Variants in TASOR2 observed in about 807,000 individuals in gnomAD.
The protein encoded by TASOR2 is transcription activation suppressor family member 2, also known as protein TASOR 2.
TASOR2 carries 84 observed loss-of-function variants against 199.5 expected under a neutral mutation model. The ratio of observed to expected loss-of-function variants is 0.42; its 90% confidence interval spans 0.35 to 0.50. The LOEUF is 0.50. Ranked by LOEUF, TASOR2 falls within the 20% of genes least tolerant of loss-of-function variation. The pLI is 0.02. For missense variants in TASOR2, 2,796 were observed against 2,835.9 expected (o/e 0.99, Z 0.32); for synonymous variants, 1,103 against 1,046.6 (o/e 1.05, Z -1.04).
rs1836218022 is a variant in TASOR2 at position 5,689,765 on chromosome 10, T to G, written c.-288+4590T>G. Among the ~76,000 whole-genome samples the G allele has an allele frequency of 1.3e-5, 2 of 152,248 alleles. No homozygotes were observed. The highest frequency in any genetic ancestry group is 1.5e-5 in the Non-Finnish European group (1 of 68,050). On this transcript the variant is annotated intron_variant, in intron 1 of 20. Transcript: ENST00000328090. This position sits in a 1 kb window ranked among gnomAD's most constrained non-coding sequence, Gnocchi z 4.1. ...ATAATTTTTTAAATTATCTACATAG[T>G]AAATATTCTCTTCTGGTCTTTTACT...
At position 5,742,567 on chromosome 10, in the gene TASOR2, T is replaced by G; in HGVS notation, c.2757+41T>G. 1 of 1,542,422 alleles carries G rather than the reference T, an allele frequency of 6.5e-7. No homozygotes were observed. Among genetic ancestry groups the G allele is most frequent in the Admixed American group, 2.1e-5 (1 of 46,928 alleles). On this transcript the variant is annotated intron_variant, in intron 14 of 20. Transcript: ENST00000328090. The surrounding 1 kb of genome is among the most constrained non-coding windows in gnomAD (Gnocchi z 4.2). Reference sequence around the variant, plus strand: ...TACCGTTAAATGTTGGCATTATTTTTGAAGAAAAAAATGTTTATATGTAAA... The same window carrying G: ...TACCGTTAAATGTTGGCATTATTTTGGAAGAAAAAAATGTTTATATGTAAA...
chr10:5,728,851 A>G (rs1326571059), intron 10 of TASOR2, among the ~76,000 whole-genome samples: 1 of 152,158 alleles, frequency 6.6e-6, no homozygotes, highest in African/African-American at 2.4e-5. Flanking sequence ...TCAGAGTTGA[A>G]CTTGTTCAGG....
At chr10:5,693,383 G>A (rs575831510) in intron 1 of TASOR2, among the ~76,000 whole-genome samples, 86 of 152,320 alleles carry the variant, frequency 5.6e-4, no homozygotes, top group Non-Finnish European at 8.5e-4. Flanking sequence ...TACTCCCTTT[G>A]TGCGTGCCGT....
Position 5,761,541 on chromosome 10 carries a change from A to T in TASOR2, c.7174+70A>T. On this transcript the variant is annotated intron_variant, in intron 19 of 20. Transcript: ENST00000328090. Reference sequence around the variant, plus strand: ...AGCTCTAGGAATGTCAAAGTTAGATACCTGATGAAGAGTATCAGGTATCTA... The same window carrying T: ...AGCTCTAGGAATGTCAAAGTTAGATTCCTGATGAAGAGTATCAGGTATCTA... The T allele has an allele frequency of 9.4e-6, 13 of 1,375,792 alleles. No homozygotes were observed. In the South Asian group the frequency reaches 1.7e-4, roughly 18 times the overall value. 85.2% of individuals were successfully genotyped at this position (1,375,792 alleles called of 1,614,324 possible). A position where few individuals can be genotyped will look rare whatever the true frequency, so the allele number is the denominator to read the frequency against.
chr10:5,752,062 C>T lies in TASOR2; in HGVS notation c.6606+2035C>T, dbSNP rs2797493. ...CACTGAGGCACTAATCCTGACCTCC[C>T]GAAACTCCCTGACCTGAGCGCGGGC... On this transcript the variant is annotated intron_variant, in intron 15 of 20. Coordinates refer to ENST00000328090, the Ensembl canonical transcript of TASOR2. The surrounding 1 kb of genome is among the most constrained non-coding windows in gnomAD (Gnocchi z 4.4). Among the ~76,000 whole-genome samples the T allele has an allele frequency of 0.85, 128,837 of 151,820 alleles. 54,743 individuals carry two copies. Among genetic ancestry groups the T allele is most frequent in the African/African-American group, 0.88 (36,306 of 41,380 alleles).
In TASOR2 at chr10:5,742,260, G is replaced by A; in HGVS notation, c.2491G>A (p.Glu831Lys). The stretch of plus-strand genomic sequence containing the variant: ...ATATGTGTCTATAAATAGCACGTTA[G>A]AATCTTGTGAGCTCCGTGAAATTGA... Residue 831 changes from glutamate to lysine, a missense_variant, in exon 14 of 21, where the codon GAA becomes AAA. By Grantham distance (56) the Glu-to-Lys change is moderately conservative. Transcript: ENST00000328090. This position sits in a 1 kb window ranked among gnomAD's most constrained non-coding sequence, Gnocchi z 4.2. The A allele has an allele frequency of 1.2e-6, 2 of 1,614,178 alleles. No homozygotes were observed. The highest frequency in any genetic ancestry group is 1.7e-6 in the Non-Finnish European group (2 of 1,180,028).
At position 5,752,944 on chromosome 10, in the gene TASOR2, G is replaced by A. The variant is rs1323683172; in HGVS notation, c.6606+2917G>A. ...GAGGTCGCTGGGAGCCACTGGAAAG[G>A]TTCTGTTAGGTTTTTTCCTCCTAAC... On this transcript the variant is annotated intron_variant, in intron 15 of 20. Transcript: ENST00000328090. This position sits in a 1 kb window ranked among gnomAD's most constrained non-coding sequence, Gnocchi z 4.4. Among the ~76,000 whole-genome samples the A allele has an allele frequency of 6.6e-6, 1 of 152,160 alleles. No homozygotes were observed. Among genetic ancestry groups the A allele is most frequent in the Non-Finnish European group, 1.5e-5 (1 of 68,042 alleles).
Position 5,692,528 on chromosome 10 carries a change from G to A in TASOR2, c.-288+7353G>A, listed in dbSNP as rs538753604. ...GTGCTCCGTTCTGACGACTGAGCCC[G>A]CCCAGGTCTGCAGGGTCCTGGGGTC... is the stretch of plus-strand genomic sequence containing the variant. On this transcript the variant is annotated intron_variant, in intron 1 of 20. Transcript: ENST00000328090. Among the ~76,000 whole-genome samples, 171 of 152,252 alleles carry A rather than the reference G, an allele frequency of 1.1e-3. 1 individual carries two copies. Among genetic ancestry groups the A allele is most frequent in the Non-Finnish European group, 2.2e-3 (151 of 68,012 alleles).
At chr10:5,711,818 A>T (rs952790022) in intron 1 of TASOR2, among the ~76,000 whole-genome samples, 5 of 152,092 alleles carry the variant, frequency 3.3e-5, no homozygotes, top group African/African-American at 9.7e-5. Flanking sequence ...TTATAATACA[A>T]CTCACAGGAA....
Position 5,689,090 on chromosome 10 carries a change from A to G in TASOR2, c.-288+3915A>G, listed in dbSNP as rs1049720707. Among the ~76,000 whole-genome samples the G allele has an allele frequency of 8.5e-5, 13 of 152,160 alleles. No homozygotes were observed. Among genetic ancestry groups the G allele is most frequent in the Non-Finnish European group, 1.8e-4 (12 of 68,008 alleles). On this transcript the variant is annotated intron_variant, in intron 1 of 20. Transcript: ENST00000328090. This position sits in a 1 kb window ranked among gnomAD's most constrained non-coding sequence, Gnocchi z 4.1. Reference sequence around the variant, plus strand: ...TTTTTGTTCACCTGAAAATGTCTTTATTTTGCAGCCATTCTTGAATGATGT... The same window carrying G: ...TTTTTGTTCACCTGAAAATGTCTTTGTTTTGCAGCCATTCTTGAATGATGT...
At chr10:5,763,606 T>A (rs1324884709) in exon 21 of TASOR2, 2 of 152,256 alleles carry the variant, frequency 1.3e-5, no homozygotes, top group Non-Finnish European at 2.9e-5. Context: ...ATCATTTATT[T>A]ATGATATTGA....
chr10:5,733,349 A>G (rs543464878), intron 11 of TASOR2, among the ~76,000 whole-genome samples: 1 of 152,216 alleles, frequency 6.6e-6, no homozygotes, highest in African/African-American at 2.4e-5. Flanking sequence ...CTCTACTAAA[A>G]ACACAAAAAA....
At chr10:5,700,805 T>TGG (rs916622758) in intron 1 of TASOR2, among the ~76,000 whole-genome samples, 87 of 151,890 alleles carry the variant, frequency 5.7e-4, no homozygotes, top group African/African-American at 2.1e-3. Flanking sequence ...TGTGTGTGTG[T>TGG]GTGTGTGTGT....
At chr10:5,721,580 A>G (rs1833365953) in intron 6 of TASOR2, among the ~76,000 whole-genome samples, 2 of 152,078 alleles carry the variant, frequency 1.3e-5, no homozygotes, top group African/African-American at 4.8e-5. Flanking sequence ...AGGTAGGAGT[A>G]TAATAACCCA....
chr10:5,740,391 G>A lies in TASOR2; in HGVS notation c.2221G>A (p.Asp741Asn). The A allele has an allele frequency of 6.2e-7, 1 of 1,614,160 alleles. No individual in the cohort carries two copies. Among genetic ancestry groups the A allele is most frequent in the Non-Finnish European group, 8.5e-7 (1 of 1,180,044 alleles). ...CTCTCGTATAGTGCTTAGCTGTGATGACTCCGTTAAGATCACTTTCAAATG... is the reference window on the plus strand; with the variant it reads ...CTCTCGTATAGTGCTTAGCTGTGATAACTCCGTTAAGATCACTTTCAAATG... Residue 741 changes from aspartate to asparagine, a missense_variant, in exon 13 of 21, where the codon GAC becomes AAC. Asp to Asn is a conservative substitution (Grantham distance 23). This residue lies in a region of TASOR2 where 847 missense variants were observed against 887.4 expected (regional missense o/e 0.95). Coordinates refer to ENST00000328090, the Ensembl canonical transcript of TASOR2. The surrounding 1 kb of genome is among the most constrained non-coding windows in gnomAD (Gnocchi z 5.3).
intron 1 of TASOR2, among the ~76,000 whole-genome samples, chr10:5,705,412 A>G (rs184528289): frequency 3.5e-4 from 54 of 152,278 alleles, no homozygotes; most frequent in Non-Finnish European, 6.0e-4. Context: ...AGTTGCTTCC[A>G]GTTTTAGGCT....
At position 5,752,534 on chromosome 10, in the gene TASOR2, G is replaced by A. The variant is rs536621053; in HGVS notation, c.6606+2507G>A. Among the ~76,000 whole-genome samples, 7 of 152,276 alleles carry A rather than the reference G, an allele frequency of 4.6e-5. No homozygotes were observed. The East Asian group carries it at 9.6e-4, about 21-fold the overall frequency. ...TACATCACTTCTGCTGATTTCCTGCGCTAACTCCAGAATGTCACGTGGCGA... is the reference window on the plus strand; with the variant it reads ...TACATCACTTCTGCTGATTTCCTGCACTAACTCCAGAATGTCACGTGGCGA... On this transcript the variant is annotated intron_variant, in intron 15 of 20. Transcript: ENST00000328090. This position sits in a 1 kb window ranked among gnomAD's most constrained non-coding sequence, Gnocchi z 4.4.
intron 1 of TASOR2, among the ~76,000 whole-genome samples, chr10:5,709,160 G>A (rs1204141175): frequency 2.0e-5 from 3 of 152,154 alleles, no homozygotes; most frequent in Non-Finnish European, 4.4e-5. Flanking sequence ...TGGGGGAGGA[G>A]AGAGATTTTT....
exon 15 of TASOR2, chr10:5,749,542 G>C: frequency 1.2e-6 from 2 of 1,614,108 alleles, no homozygotes; most frequent in African/African-American, 2.7e-5. Context: ...CCCCCTTCTG[G>C]TAACAGTTGT....
Sources: gnomAD v4.1 joint callset for allele counts (sites outside exome capture counted in the v4.1 genomes callset) on GRCh38, gnomAD v4.1.1 for gene constraint, gnomAD v4.1.1 regional missense constraint, Gnocchi (gnomAD v3.1) non-coding constraint, MANE v1.5 for transcripts, NCBI Gene and HGNC (gene_info 2026-07-23, HGNC 2026-07-21) for gene names.